LIPC: variants seen among roughly 807,000 people sequenced by gnomAD.
LIPC encodes the protein lipase C, hepatic type, also known as hepatic triacylglycerol lipase.
A neutral mutation model predicts 50.7 loss-of-function variants in LIPC; 44 were observed. That is an observed-to-expected ratio of 0.87 (90% CI 0.68 to 1.11). LIPC has a LOEUF of 1.11. Among genes scored for constraint, LIPC ranks in the 50% most tolerant of loss-of-function variants. The pLI is 0.00. For missense variants in LIPC, 697 were observed against 648.2 expected (o/e 1.08, Z -0.82); for synonymous variants, 271 against 256.4 (o/e 1.06, Z -0.54).
rs1893624822 is a variant in LIPC, at chr15:58,548,559, G to A, written c.1038G>A (p.Gln346=). The A allele has an allele frequency of 1.9e-6, 3 of 1,591,718 alleles. No homozygotes were observed. The highest frequency in any genetic ancestry group is 2.3e-5 in the East Asian group (1 of 44,290). The part of the protein sequence containing the change: ...SKRLFLVTRA[Q]SPFKVYHYQF... Reference sequence around the variant, plus strand: ...GGCTCTTCCTCGTAACGCGAGCCCAGTCCCCCTTCAAAGGTGAGTGTGGAG... The same window carrying A: ...GGCTCTTCCTCGTAACGCGAGCCCAATCCCCCTTCAAAGGTGAGTGTGGAG... Residue 346 remains glutamine, a synonymous_variant, in exon 6 of 9, where the codon CAG becomes CAA. Transcript: ENST00000299022.
chr15:58,568,929 A>G lies in LIPC; in HGVS notation c.*102A>G, dbSNP rs572267936. On this transcript the variant is annotated 3_prime_UTR_variant, in exon 9 of 9. Coordinates refer to ENST00000299022, the MANE Select transcript of LIPC (RefSeq NM_000236.3). ...AAATTACATAAAGAATCTCACACAAAGCTTAAATAAAGTTTAGATTTAAGG... is the reference window on the plus strand; with the variant it reads ...AAATTACATAAAGAATCTCACACAAGGCTTAAATAAAGTTTAGATTTAAGG... 1.5e-6 allele frequency: 1 copy of G among 663,966 alleles called. No individual in the cohort carries two copies. The highest frequency in any genetic ancestry group is 2.7e-5 in the East Asian group (1 of 36,422). The allele number at this position is 663,966 out of a possible 1,614,324, so 41.1% of individuals were successfully genotyped here. A position where few individuals can be genotyped will look rare whatever the true frequency, so the allele number is the denominator to read the frequency against.
At chr15:58,533,948 G>T (rs747583178) in intron 1 of LIPC, among the ~76,000 whole-genome samples, 37 of 151,846 alleles carry the variant, frequency 2.4e-4, no homozygotes, top group Non-Finnish European at 5.0e-4. Flanking sequence ...ATTTGAAGGG[G>T]AAAAAAAAGG....
intron 1 of LIPC, among the ~76,000 whole-genome samples, chr15:58,498,281 G>A (rs1385748496): frequency 6.6e-6 from 1 of 152,074 alleles, no homozygotes; most frequent in African/African-American, 2.4e-5. Flanking sequence ...ACCTCGCAAG[G>A]ATGTGGTTCA....
chr15:58,567,799 A>T (rs1157753610), intron 8 of LIPC, among the ~76,000 whole-genome samples: 1 of 152,204 alleles, frequency 6.6e-6, no homozygotes, highest in African/African-American at 2.4e-5. Flanking sequence ...CAATATATGT[A>T]AATGCATAGG....
intron 1 of LIPC, among the ~76,000 whole-genome samples, chr15:58,479,421 CTT>C (rs1891111795): frequency 6.6e-6 from 1 of 152,154 alleles, no homozygotes; most frequent in African/African-American, 2.4e-5. Flanking sequence ...TTGATTGTTC[CTT>C]TGTCTCTATC....
chr15:58,542,620 C>T lies in LIPC; in HGVS notation c.543C>T (p.Ile181=), dbSNP rs572467817. 63 of 1,613,240 alleles carry T rather than the reference C, an allele frequency of 3.9e-5. No homozygotes were observed. The highest frequency in any genetic ancestry group is 3.3e-4 in the Middle Eastern group (2 of 6,060). ...AHVSGFAGSS[I]GGTHKIGRIT... is the part of the protein sequence containing the mutation. ...TGTCAGGATTTGCCGGCAGTTCCATCGGTGGAACGCACAAGATTGGGAGAA... is the reference window on the plus strand; with the variant it reads ...TGTCAGGATTTGCCGGCAGTTCCATTGGTGGAACGCACAAGATTGGGAGAA... Residue 181 remains isoleucine, a synonymous_variant, in exon 4 of 9, where the codon ATC becomes ATT. Transcript: ENST00000299022.
intron 1 of LIPC, among the ~76,000 whole-genome samples, chr15:58,500,097 G>C (rs1891927437): frequency 6.6e-6 from 1 of 152,136 alleles, no homozygotes; most frequent in South Asian, 2.1e-4. Flanking sequence ...TGAAACGTAA[G>C]GATCCCCACA....
chr15:58,557,785 G>A (rs372801324), intron 6 of LIPC, among the ~76,000 whole-genome samples: 4 of 152,290 alleles, frequency 2.6e-5, no homozygotes, highest in African/African-American at 9.6e-5. Context: ...CGGTTACTAT[G>A]AGTGTTCCTT....
intron 1 of LIPC, among the ~76,000 whole-genome samples, chr15:58,509,827 A>T (rs4775067): frequency 5.9e-5 from 9 of 151,914 alleles, no homozygotes; most frequent in Non-Finnish European, 1.3e-4. Context: ...ATTACATAAT[A>T]TGATAGGAAT....
chr15:58,546,089 G>A (rs1469711248), intron 5 of LIPC, 114 bp downstream of exon 5: 2 of 931,402 alleles, frequency 2.1e-6, no homozygotes, highest in Non-Finnish European at 3.4e-6. Context: ...AAGGATAGGG[G>A]CCCAGGGTGT....
At chr15:58,502,622 A>T (rs1032059843) in intron 1 of LIPC, among the ~76,000 whole-genome samples, 3 of 151,776 alleles carry the variant, frequency 2.0e-5, no homozygotes, top group Admixed American at 2.0e-4. Flanking sequence ...CAAGAACATT[A>T]TTCCTATTGG....
chr15:58,554,568 T>A (rs201145438), intron 6 of LIPC, among the ~76,000 whole-genome samples: 2 of 128,466 alleles, frequency 1.6e-5, no homozygotes, highest in African/African-American at 5.8e-5. Context: ...TTTTTTTTTT[T>A]AAAGAAAAAC....
chr15:58,434,089 G>A (rs1893210654), intron 1 of LIPC, among the ~76,000 whole-genome samples: 1 of 151,992 alleles, frequency 6.6e-6, no homozygotes, highest in Non-Finnish European at 1.5e-5. Context: ...TGGTTGTTAA[G>A]ACCAGGGAGA....
At chr15:58,462,705 C>A (rs967165250) in intron 1 of LIPC, among the ~76,000 whole-genome samples, 3 of 152,184 alleles carry the variant, frequency 2.0e-5, no homozygotes, top group African/African-American at 7.2e-5. Flanking sequence ...CAGCCCTTGA[C>A]TTCCTCCTCC....
intron 3 of LIPC, 116 bp from the exon 4 acceptor site, chr15:58,542,418 G>A: frequency 5.2e-6 from 4 of 771,622 alleles, no homozygotes; most frequent in Non-Finnish European, 7.1e-6. Flanking sequence ...TGTGAATAAG[G>A]CACCTCATTT....
chr15:58,524,172 C>G (rs1256257047), intron 1 of LIPC, among the ~76,000 whole-genome samples: 6 of 152,108 alleles, frequency 3.9e-5, no homozygotes, highest in African/African-American at 1.4e-4. Flanking sequence ...TTTACTTATG[C>G]CCCCACCCTT....
chr15:58,564,008 G>A, intron 8 of LIPC: 2 of 459,102 alleles, frequency 4.4e-6, no homozygotes, highest in East Asian at 4.4e-5. Context: ...ACGAACCCCA[G>A]GCTTCTCAAG....
intron 5 of LIPC, among the ~76,000 whole-genome samples, chr15:58,547,943 G>A (rs1351106960): frequency 6.6e-6 from 1 of 152,066 alleles, no homozygotes; most frequent in Admixed American, 6.5e-5. Context: ...ATCAGCACCT[G>A]GGCATTTTAA....
chr15:58,437,913 T>C (rs1170930490), intron 1 of LIPC, among the ~76,000 whole-genome samples: 1 of 152,140 alleles, frequency 6.6e-6, no homozygotes, highest in African/African-American at 2.4e-5. Context: ...AGCAGGTCTG[T>C]GGTCCTGCTG....
Sources: gnomAD v4.1 joint callset for allele counts (sites outside exome capture counted in the v4.1 genomes callset) on GRCh38, gnomAD v4.1.1 for gene constraint, MANE v1.5 for transcripts, NCBI Gene and HGNC (gene_info 2026-07-23, HGNC 2026-07-21) for gene names.